PRKG1: variants seen among roughly 807,000 people sequenced by gnomAD.
The protein encoded by PRKG1 is cGMP-dependent protein kinase 1.
A neutral mutation model predicts 88.1 loss-of-function variants in PRKG1; 35 were observed. That is an observed-to-expected ratio of 0.40 (90% CI 0.30 to 0.53). The LOEUF (loss-of-function observed/expected upper bound fraction) is 0.53, where lower values mean the gene tolerates loss of function less well. PRKG1 is among the 20% of genes least tolerant of loss of function. The pLI, the probability that PRKG1 is intolerant of heterozygous loss-of-function variation, is 0.59. For missense variants in PRKG1, 540 were observed against 839.8 expected, an observed-to-expected ratio of 0.64 and a Z score of 4.41; for synonymous variants, 303 against 292.5, an observed-to-expected ratio of 1.04 and a Z score of -0.37.
At chr10:52,289,087 C>A in intron 16 of PRKG1, 94 bp downstream of exon 16, 1 of 1,211,338 alleles carries the variant, frequency 8.3e-7, no homozygotes, top group South Asian at 1.4e-5. Context: ...TATAATTAGC[C>A]TATAGGAACA....
chr10:51,260,002 T>C (rs1839662765), intron 2 of PRKG1, among the ~76,000 whole-genome samples: 2 of 152,230 alleles, frequency 1.3e-5, no homozygotes, highest in Admixed American at 1.3e-4. Flanking sequence ...ATTGGTGTTT[T>C]TCTATATATG....
intron 1 of PRKG1, among the ~76,000 whole-genome samples, chr10:51,140,468 T>A (rs1164162663): frequency 6.6e-6 from 1 of 152,210 alleles, no homozygotes; most frequent in African/African-American, 2.4e-5. Context: ...CTGACACACC[T>A]GGACCAGCGT....
At chr10:51,686,718 C>T (rs2132381913) in intron 3 of PRKG1, among the ~76,000 whole-genome samples, 1 of 152,218 alleles carries the variant, frequency 6.6e-6, no homozygotes, top group South Asian at 2.1e-4. Context: ...TTCTTAAGTT[C>T]CCAATTTTTC....
At chr10:51,189,455 C>T (rs1450896962) in intron 2 of PRKG1, among the ~76,000 whole-genome samples, 1 of 151,774 alleles carries the variant, frequency 6.6e-6, no homozygotes, top group Non-Finnish European at 1.5e-5. Flanking sequence ...CTACAAAATT[C>T]CTATGAGCAA....
intron 7 of PRKG1, among the ~76,000 whole-genome samples, chr10:52,096,870 A>G (rs1847185480): frequency 6.6e-6 from 1 of 152,172 alleles, no homozygotes; most frequent in Non-Finnish European, 1.5e-5. Context: ...ACAATGTAAT[A>G]TTGTAAGTTT....
intron 12 of PRKG1, among the ~76,000 whole-genome samples, chr10:52,273,597 C>T (rs182857447): frequency 5.3e-5 from 8 of 152,146 alleles, no homozygotes; most frequent in South Asian, 4.1e-4. Flanking sequence ...CAGGCCCTTT[C>T]GTGTTATTCC....
chr10:52,020,077 G>C (rs1845143132), intron 5 of PRKG1, among the ~76,000 whole-genome samples: 1 of 136,682 alleles, frequency 7.3e-6, no homozygotes, highest in African/African-American at 2.6e-5. Flanking sequence ...ACCTTTCTTT[G>C]CTTCAGTTTC....
At chr10:52,026,058 G>A (rs1434492832) in intron 5 of PRKG1, among the ~76,000 whole-genome samples, 3 of 151,878 alleles carry the variant, frequency 2.0e-5, no homozygotes, top group East Asian at 2.0e-4. Context: ...ACAAAAACAA[G>A]CAATGGGGAC....
chr10:51,072,489 G>A (rs563316133), upstream of PRKG1, among the ~76,000 whole-genome samples: 28 of 152,150 alleles, frequency 1.8e-4, no homozygotes, highest in African/African-American at 6.7e-4. Flanking sequence ...GTTATACAAA[G>A]TCACAGTACT....
chr10:52,183,470 T>C (rs1839099608), intron 9 of PRKG1, among the ~76,000 whole-genome samples: 1 of 152,194 alleles, frequency 6.6e-6, no homozygotes, highest in Non-Finnish European at 1.5e-5. Flanking sequence ...GGCAGGTTCT[T>C]CCTGGGTGGG....
intron 3 of PRKG1, among the ~76,000 whole-genome samples, chr10:51,643,722 A>G (rs185576482): frequency 1.7e-3 from 259 of 152,340 alleles, no homozygotes; most frequent in African/African-American, 5.9e-3. Context: ...AAAAATCTCC[A>G]AAGATTTTAG....
chr10:51,569,607 A>G (rs1361311808), intron 3 of PRKG1, among the ~76,000 whole-genome samples: 2 of 152,150 alleles, frequency 1.3e-5, no homozygotes, highest in Non-Finnish European at 2.9e-5. Context: ...ATTTACAGAG[A>G]AGAAAACCCA....
intron 9 of PRKG1, among the ~76,000 whole-genome samples, chr10:52,229,264 A>G (rs537977573): frequency 6.6e-6 from 1 of 152,396 alleles, no homozygotes; most frequent in South Asian, 2.1e-4. Flanking sequence ...GATTTGCCAA[A>G]GGCAAGAAAG....
intron 9 of PRKG1, among the ~76,000 whole-genome samples, chr10:52,249,080 CTCCTTCCCTT>C: frequency 8.2e-6 from 1 of 122,400 alleles, no homozygotes; most frequent in Non-Finnish European, 1.7e-5. Context: ...CCCCTTCCCT[CTCCTTCCCTT>C]CCCTTCCTTC....
chr10:51,187,744 C>T (rs2132035618), intron 2 of PRKG1, among the ~76,000 whole-genome samples: 1 of 152,050 alleles, frequency 6.6e-6, no homozygotes, highest in East Asian at 1.9e-4. Context: ...GAACATAAGG[C>T]TACAATGCCT....
At chr10:51,734,237 T>A (rs1837202617) in intron 3 of PRKG1, among the ~76,000 whole-genome samples, 1 of 152,136 alleles carries the variant, frequency 6.6e-6, no homozygotes, top group African/African-American at 2.4e-5. Context: ...GTATGCATTT[T>A]AAAAATGTTA....
chr10:51,603,411 A>C (rs2132230242), intron 3 of PRKG1, among the ~76,000 whole-genome samples: 1 of 152,342 alleles, frequency 6.6e-6, no homozygotes, highest in African/African-American at 2.4e-5. Context: ...TCAAACACGA[A>C]GTCAAATTGA....
intron 2 of PRKG1, among the ~76,000 whole-genome samples, chr10:51,292,013 G>C (rs540377372): frequency 6.6e-6 from 1 of 152,070 alleles, no homozygotes; most frequent in African/African-American, 2.4e-5. Context: ...TTTGTTTAAC[G>C]TTGTTAGAGT....
intron 7 of PRKG1, among the ~76,000 whole-genome samples, chr10:52,122,325 G>A (rs1029385224): frequency 2.0e-5 from 3 of 152,126 alleles, no homozygotes; most frequent in African/African-American, 7.2e-5. Flanking sequence ...ACCTCTTAAT[G>A]GTCCCTCTTC....
Sources: gnomAD v4.1 joint callset for allele counts (sites outside exome capture counted in the v4.1 genomes callset) on GRCh38, gnomAD v4.1.1 for gene constraint, MANE v1.5 for transcripts, NCBI Gene and HGNC (gene_info 2026-07-23, HGNC 2026-07-21) for gene names.